ADAM12: variants seen among roughly 807,000 people sequenced by gnomAD.
ADAM12 encodes the protein ADAM metallopeptidase domain 12.
Under a neutral mutation model 106.4 loss-of-function variants are expected in ADAM12, and 70 were observed. That is an observed-to-expected ratio of 0.66 (90% CI 0.54 to 0.80). The LOEUF is 0.80. ADAM12 is among the 30% of genes least tolerant of loss of function. ADAM12 has a pLI of 0.00. For missense variants in ADAM12, 1,010 were observed against 1,171.9 expected (o/e 0.86, Z 2.02); for synonymous variants, 420 against 433.5 (o/e 0.97, Z 0.39).
chr10:126,150,224 T>C (rs1035003516), intron 4 of ADAM12, among the ~76,000 whole-genome samples: 1 of 152,194 alleles, frequency 6.6e-6, no homozygotes, highest in African/African-American at 2.4e-5. Flanking sequence ...GGAGATAGCC[T>C]CAGTGCTGAG....
chr10:126,156,324 A>G (rs1182181431), intron 3 of ADAM12, among the ~76,000 whole-genome samples: 1 of 152,214 alleles, frequency 6.6e-6, no homozygotes, highest in Non-Finnish European at 1.5e-5. Context: ...AGTCAAACGG[A>G]AACACTTCAG....
chr10:126,176,841 C>G (rs556847793), intron 3 of ADAM12, among the ~76,000 whole-genome samples: 10 of 152,274 alleles, frequency 6.6e-5, no homozygotes, highest in Non-Finnish European at 1.3e-4. Flanking sequence ...GCAGGAGCTT[C>G]CCTCTAAGGG....
In ADAM12 at chr10:126,330,492, G is replaced by T. The variant is rs769168746; in HGVS notation, c.106C>A (p.Gln36Lys). The T allele has an allele frequency of 1.9e-6, 3 of 1,613,718 alleles. No individual in the cohort carries two copies. Among genetic ancestry groups the T allele is most frequent in the Non-Finnish European group, 2.5e-6 (3 of 1,179,924 alleles). ...CEARGVSLWNQGRADEVVSAS... is the reference protein window; with the variant it reads ...CEARGVSLWNKGRADEVVSAS... ...CTGACAACTTCATCAGCTCTTCCTT[G>T]GTTCCATAAGCTCACCCCTGAATCA... Residue 36 changes from glutamine (Q) to lysine (K), a missense_variant, in exon 2 of 23, where the codon CAA becomes AAA. Around this residue, in one of 3 missense-constraint regions of ADAM12, gnomAD observed 391 missense variants for 442.9 expected, o/e 0.88. Coordinates refer to ENST00000448723, the MANE Select transcript of ADAM12 (RefSeq NM_001288973.2).
At chr10:126,241,948 T>C (rs1958533276) in intron 3 of ADAM12, among the ~76,000 whole-genome samples, 1 of 151,332 alleles carries the variant, frequency 6.6e-6, no homozygotes, top group Non-Finnish European at 1.5e-5. Flanking sequence ...TGGGGTACAC[T>C]TTGTAAAACA....
chr10:126,330,487 T>C lies in ADAM12; in HGVS notation c.111A>G (p.Gly37=). 1 of 1,613,946 alleles carries C rather than the reference T, an allele frequency of 6.2e-7. No individual in the cohort carries two copies. The highest frequency in any genetic ancestry group is 8.5e-7 in the Non-Finnish European group (1 of 1,179,990). The change falls in exon 2 of 23, where the codon GGA becomes GGG. Residue 37 remains glycine (G), a synonymous_variant. Coordinates refer to ENST00000448723, the MANE Select transcript of ADAM12 (RefSeq NM_001288973.2). ...EARGVSLWNQ[G]RADEVVSASV... The stretch of plus-strand genomic sequence containing the variant: ...AGGCACTGACAACTTCATCAGCTCT[T>C]CCTTGGTTCCATAAGCTCACCCCTG...
intron 3 of ADAM12, among the ~76,000 whole-genome samples, chr10:126,239,106 A>G (rs1004965658): frequency 2.0e-5 from 3 of 152,252 alleles, no homozygotes; most frequent in African/African-American, 7.2e-5. Context: ...CAAGTTTTTT[A>G]GCATGCAGTA....
In ADAM12 at chr10:126,049,698, T is replaced by A. The variant is rs1164604879; in HGVS notation, c.1610-29A>T. On this transcript the variant is annotated intron_variant, in intron 14 of 22. Coordinates refer to ENST00000448723, the MANE Select transcript of ADAM12 (RefSeq NM_001288973.2). This position sits in a 1 kb window ranked among gnomAD's most constrained non-coding sequence, Gnocchi z 4.4. Reference sequence around the variant, plus strand: ...AAACAGAAGCAGAACTGCATTTTCATCTCCTGCAGGTGATTTTTTTTTTTT... The same window carrying A: ...AAACAGAAGCAGAACTGCATTTTCAACTCCTGCAGGTGATTTTTTTTTTTT... 1.9e-6 allele frequency: 3 copies of A among 1,586,622 alleles called. No homozygotes were observed. Among genetic ancestry groups the A allele is most frequent in the Non-Finnish European group, 2.6e-6 (3 of 1,166,366 alleles).
chr10:126,256,168 G>A (rs1214587766), intron 3 of ADAM12, among the ~76,000 whole-genome samples: 1 of 152,150 alleles, frequency 6.6e-6, no homozygotes, highest in Non-Finnish European at 1.5e-5. Context: ...TTTTGCTCCA[G>A]GTGATTCTAA....
At chr10:126,346,833 T>G (rs923920116) in intron 1 of ADAM12, among the ~76,000 whole-genome samples, 1 of 152,228 alleles carries the variant, frequency 6.6e-6, no homozygotes, top group African/African-American at 2.4e-5. Context: ...TATCAGAGAC[T>G]AGGTTTGCAA....
intron 1 of ADAM12, among the ~76,000 whole-genome samples, chr10:126,333,198 G>A (rs1564739025): frequency 2.6e-5 from 4 of 152,180 alleles, no homozygotes; most frequent in Admixed American, 1.3e-4. Context: ...TCCTGGCAGC[G>A]CTGAGTTTCC....
Position 126,071,697 on chromosome 10 carries a change from A to ATGGCTTTGTCTGCCCTTCTTG in ADAM12, c.1146-64_1146-44dup. The ATGGCTTTGTCTGCCCTTCTTG allele has an allele frequency of 3.1e-6, 5 of 1,603,650 alleles. No homozygotes were observed. In the Admixed American group the frequency reaches 8.4e-5, roughly 27 times the overall value. ...AGAACAGTAAGTCACAGGGCATGGAATGGCTTTGTCTGCCCTTCTTGTGCC... is the reference window on the plus strand; with the variant it reads ...AGAACAGTAAGTCACAGGGCATGGAATGGCTTTGTCTGCCCTTCTTGTGGCTTTGTCTGCCCTTCTTGTGCC... On this transcript the variant is annotated intron_variant, in intron 11 of 22. Transcript: ENST00000448723.
At chr10:126,134,256 G>A (rs1956362877) in intron 5 of ADAM12, among the ~76,000 whole-genome samples, 2 of 152,214 alleles carry the variant, frequency 1.3e-5, no homozygotes. Context: ...GTGTGTGCAT[G>A]CAAATGTGTG....
At chr10:126,213,679 G>A (rs183667342) in intron 3 of ADAM12, among the ~76,000 whole-genome samples, 33 of 152,268 alleles carry the variant, frequency 2.2e-4, no homozygotes, top group African/African-American at 7.5e-4. Context: ...ATCTCCATGT[G>A]ACTAAAACTA....
chr10:126,030,140 G>A (rs978021413), intron 21 of ADAM12, among the ~76,000 whole-genome samples: 2 of 152,236 alleles, frequency 1.3e-5, no homozygotes, highest in Non-Finnish European at 1.5e-5. Context: ...TGAAGCAGAT[G>A]TATAAAACTA....
intron 11 of ADAM12, among the ~76,000 whole-genome samples, chr10:126,074,161 A>G (rs1955053990): frequency 6.6e-6 from 1 of 152,170 alleles, no homozygotes; most frequent in Admixed American, 6.5e-5. Flanking sequence ...TTCATTCTAG[A>G]AGGGAAGTGA....
chr10:126,363,517 G>C (rs183089339), intron 1 of ADAM12, among the ~76,000 whole-genome samples: 6 of 152,238 alleles, frequency 3.9e-5, no homozygotes, highest in African/African-American at 1.4e-4. Context: ...TTCCACTCCT[G>C]CTCTGAAGAG....
intron 3 of ADAM12, among the ~76,000 whole-genome samples, chr10:126,231,434 G>A (rs770093534): frequency 2.7e-5 from 4 of 150,444 alleles, no homozygotes; most frequent in East Asian, 1.9e-4. Context: ...TATACCATAC[G>A]AATGTCTTAA....
intron 3 of ADAM12, among the ~76,000 whole-genome samples, chr10:126,201,492 C>T (rs763846481): frequency 5.3e-5 from 8 of 152,118 alleles, no homozygotes; most frequent in Non-Finnish European, 4.4e-5. Flanking sequence ...GGGTTCCTCC[C>T]AGAGCCTTGG....
rs1956795510 is a variant in ADAM12, at chr10:126,155,325, C to T, written c.261-20G>A. The T allele has an allele frequency of 6.2e-7, 1 of 1,606,936 alleles. No homozygotes were observed. The highest frequency in any genetic ancestry group is 1.3e-5 in the African/African-American group (1 of 74,708). On this transcript the variant is annotated intron_variant, in intron 3 of 22. Transcript: ENST00000448723. ...AGACCTCTGCGGAAAAACAAAAACACCATAAAAAGATGAGTGCAGAATTGC... is the reference window on the plus strand; with the variant it reads ...AGACCTCTGCGGAAAAACAAAAACATCATAAAAAGATGAGTGCAGAATTGC...
Sources: allele counts gnomAD v4.1 joint callset (sites outside exome capture counted in the v4.1 genomes callset), GRCh38; gene constraint gnomAD v4.1.1; regional missense constraint gnomAD v4.1.1; non-coding constraint Gnocchi (gnomAD v3.1); transcripts MANE v1.5; gene names NCBI Gene and HGNC (gene_info 2026-07-23, HGNC 2026-07-21).